Variants in DNAH9 observed in about 807,000 individuals in gnomAD.
DNAH9 encodes DNAH9 variant protein.
DNAH9 carries 345 observed loss-of-function variants against 471.6 expected under a neutral mutation model. The ratio of observed to expected loss-of-function variants is 0.73; its 90% confidence interval spans 0.67 to 0.80. The LOEUF (loss-of-function observed/expected upper bound fraction) is 0.80, where lower values mean the gene tolerates loss of function less well. Ranked by LOEUF, DNAH9 falls within the 30% of genes least tolerant of loss-of-function variation. The pLI is 0.00. For synonymous variants in DNAH9, 2,093 were observed against 2,123.6 expected (o/e 0.99, Z 0.40); for missense variants, 5,407 against 5,609.2 (o/e 0.96, Z 1.15).
intron 17 of DNAH9, among the ~76,000 whole-genome samples, chr17:11,674,502 C>A (rs947403081): frequency 6.6e-6 from 1 of 152,124 alleles, no homozygotes. Flanking sequence ...CTTTTCTCTG[C>A]CTATTCATAT....
chr17:11,931,417 A>C (rs915454185), intron 63 of DNAH9, among the ~76,000 whole-genome samples: 2 of 152,190 alleles, frequency 1.3e-5, no homozygotes, highest in African/African-American at 4.8e-5. Context: ...GTTTAAGCCT[A>C]AAGTAAGATG....
intron 61 of DNAH9, among the ~76,000 whole-genome samples, chr17:11,919,536 G>A (rs1350755884): frequency 1.3e-5 from 2 of 151,528 alleles, no homozygotes; most frequent in Non-Finnish European, 2.9e-5. Context: ...GATCCATTAG[G>A]AGACATAATG....
intron 36 of DNAH9, among the ~76,000 whole-genome samples, chr17:11,767,101 A>G (rs1048007977): frequency 6.6e-6 from 1 of 152,190 alleles, no homozygotes; most frequent in Non-Finnish European, 1.5e-5. Context: ...GGAAGGTGAG[A>G]CAATGTCGGT....
intron 61 of DNAH9, among the ~76,000 whole-genome samples, chr17:11,920,379 G>C (rs1232788712): frequency 3.3e-5 from 5 of 151,662 alleles, no homozygotes; most frequent in African/African-American, 1.2e-4. Context: ...CCAGCACTTT[G>C]GGAGGCCGAG....
intron 67 of DNAH9, among the ~76,000 whole-genome samples, 154 bp downstream of exon 67, chr17:11,942,639 C>G (rs12940988): frequency 4.6e-5 from 7 of 152,032 alleles, no homozygotes; most frequent in Non-Finnish European, 7.4e-5. Flanking sequence ...CCAGAAACCA[C>G]AGCCTGGCCA....
chr17:11,750,972 C>T (rs562275774), intron 32 of DNAH9, among the ~76,000 whole-genome samples: 53 of 151,788 alleles, frequency 3.5e-4, no homozygotes, highest in Non-Finnish European at 6.5e-4. Context: ...AATATTGGTT[C>T]GCTGTAAAGA....
At chr17:11,803,404 TCGCACACA>T (rs1390427209) in intron 43 of DNAH9, among the ~76,000 whole-genome samples, 1 of 151,416 alleles carries the variant, frequency 6.6e-6, no homozygotes, top group East Asian at 1.9e-4. Context: ...GTGTGTGCGC[TCGCACACA>T]CGCACATGCG....
intron 26 of DNAH9, among the ~76,000 whole-genome samples, chr17:11,717,052 A>C (rs1300759299): frequency 1.3e-5 from 2 of 152,248 alleles, no homozygotes; most frequent in Non-Finnish European, 2.9e-5. Flanking sequence ...AGAGAAGAGA[A>C]GTGTTACCAA....
At position 11,643,068 on chromosome 17, in the gene DNAH9, A is replaced by G. The variant is rs150063038; in HGVS notation, c.1902-1563A>G. Among the ~76,000 whole-genome samples, 662 of 152,372 alleles carry G rather than the reference A, an allele frequency of 4.3e-3. 5 individuals are homozygous for G. The highest frequency in any genetic ancestry group is 7.7e-3 in the Non-Finnish European group (527 of 68,038). On this transcript the variant is annotated intron_variant, in intron 10 of 68. Transcript: ENST00000262442. ...CATTTTGCCAGCAGGTCAAATAGAA[A>G]CAAACCACCACATAGTTAGTGTGAA...
At chr17:11,656,161 G>T (rs1276941951) in intron 14 of DNAH9, among the ~76,000 whole-genome samples, 1 of 152,028 alleles carries the variant, frequency 6.6e-6, no homozygotes, top group East Asian at 1.9e-4. Context: ...TAGTGGTTGT[G>T]CTAGTTTACA....
chr17:11,942,546 T>C lies in DNAH9; in HGVS notation c.12843+61T>C, dbSNP rs1421029799. ...GCTAGAGGACACAGATGGACCCCTATGGGGAAGAAGGAGCACTGGGGGACC... is the reference window on the plus strand; with the variant it reads ...GCTAGAGGACACAGATGGACCCCTACGGGGAAGAAGGAGCACTGGGGGACC... On this transcript the variant is annotated intron_variant, in intron 67 of 68. Coordinates refer to ENST00000262442, the MANE Select transcript of DNAH9 (RefSeq NM_001372.4). 18 of 1,531,504 alleles carry C rather than the reference T, an allele frequency of 1.2e-5. No individual in the cohort carries two copies. In the Admixed American group the frequency reaches 1.5e-4, roughly 13 times the overall value. 94.9% of individuals were successfully genotyped at this position (1,531,504 alleles called of 1,614,324 possible). A position where few individuals can be genotyped will look rare whatever the true frequency, so the allele number is the denominator to read the frequency against.
chr17:11,598,942 G>T (rs79807453), intron 1 of DNAH9, 27 bp downstream of exon 1: 3 of 1,444,902 alleles, frequency 2.1e-6, no homozygotes, highest in East Asian at 2.9e-5. Flanking sequence ...GTCCCCGCGC[G>T]GCTAAAGCTG....
At chr17:11,764,874 T>A (rs1407237129) in intron 36 of DNAH9, among the ~76,000 whole-genome samples, 1 of 152,216 alleles carries the variant, frequency 6.6e-6, no homozygotes, top group Non-Finnish European at 1.5e-5. Context: ...GTGTATACTT[T>A]TTTCCAAACT....
chr17:11,954,304 C>T (rs1975530581), intron 67 of DNAH9, among the ~76,000 whole-genome samples: 1 of 151,984 alleles, frequency 6.6e-6, no homozygotes, highest in Admixed American at 6.5e-5. Flanking sequence ...TTGCTGAAAA[C>T]CACAAAACCT....
chr17:11,828,627 T>C (rs186580465), intron 48 of DNAH9, among the ~76,000 whole-genome samples: 15 of 152,294 alleles, frequency 9.8e-5, no homozygotes, highest in Admixed American at 9.2e-4. Context: ...CATCCTTTTC[T>C]TCCTCGGTTC....
intron 48 of DNAH9, among the ~76,000 whole-genome samples, chr17:11,824,733 C>T (rs902396221): frequency 1.3e-5 from 2 of 152,038 alleles, no homozygotes; most frequent in African/African-American, 2.4e-5. Flanking sequence ...TTTCTTTTTT[C>T]GGTGCATCCT....
Position 11,961,042 on chromosome 17 carries a change from C to T in DNAH9, c.12844-825C>T, listed in dbSNP as rs760021248. On this transcript the variant is annotated intron_variant, in intron 67 of 68. Transcript: ENST00000262442. ...TTAAACATAGTGTTCAGGCCGGGCG[C>T]GGTGGCTCATGCCTGTAATCCCAGC... Among the ~76,000 whole-genome samples, 6 of 152,172 alleles carry T rather than the reference C, an allele frequency of 3.9e-5. No individual in the cohort carries two copies. In the East Asian group the frequency reaches 7.8e-4, roughly 20 times the overall value.
rs921354292 is a variant in DNAH9, at chr17:11,644,836, T to C, written c.1970+137T>C. On this transcript the variant is annotated intron_variant, in intron 11 of 68. Transcript: ENST00000262442. ...TTTTATGTTATAACCACGATATTTG[T>C]GAGTACAGTATTTCCGGGTTGCACA... 6 of 639,350 alleles carry C rather than the reference T, an allele frequency of 9.4e-6. No individual in the cohort carries two copies. In the East Asian group the frequency reaches 1.7e-4, roughly 18 times the overall value. 39.6% of individuals were successfully genotyped at this position (639,350 alleles called of 1,614,324 possible). A position where few individuals can be genotyped will look rare whatever the true frequency, so the allele number is the denominator to read the frequency against.
At position 11,934,084 on chromosome 17, in the gene DNAH9, T is replaced by G. The variant is rs780900736; in HGVS notation, c.12489+13T>G. On this transcript the variant is annotated intron_variant, in intron 65 of 68. Coordinates refer to ENST00000262442, the MANE Select transcript of DNAH9 (RefSeq NM_001372.4). Reference sequence around the variant, plus strand: ...TGGTTATCATCAGGTGAGACTCTGCTCTGTGCTTCTGATGTCGTGAGGGTG... The same window carrying G: ...TGGTTATCATCAGGTGAGACTCTGCGCTGTGCTTCTGATGTCGTGAGGGTG... 6.2e-7 allele frequency: 1 copy of G among 1,607,614 alleles called. No homozygotes were observed. Among genetic ancestry groups the G allele is most frequent in the South Asian group, 1.1e-5 (1 of 90,188 alleles).
Sources: gnomAD v4.1 joint callset for allele counts (sites outside exome capture counted in the v4.1 genomes callset) on GRCh38, gnomAD v4.1.1 for gene constraint, MANE v1.5 for transcripts, NCBI Gene and HGNC (gene_info 2026-07-23, HGNC 2026-07-21) for gene names.